Variants in UBE2E3 observed in about 807,000 individuals in gnomAD.
UBE2E3 encodes the protein ubiquitin conjugating enzyme E2 E3.
UBE2E3 carries 5 observed loss-of-function variants against 23.6 expected under a neutral mutation model. The observed-to-expected ratio is 0.21, with a 90% confidence interval of 0.11 to 0.44. UBE2E3 has a LOEUF of 0.44. Among genes scored for constraint, UBE2E3 ranks in the 20% least tolerant of loss-of-function variants. The pLI is 0.99. For synonymous variants in UBE2E3, 78 were observed against 87.5 expected, an observed-to-expected ratio of 0.89 and a Z score of 0.60; for missense variants, 81 against 249.8, an observed-to-expected ratio of 0.32 and a Z score of 4.55.
intron 4 of UBE2E3, among the ~76,000 whole-genome samples, chr2:181,059,541 A>C (rs1213881767): frequency 6.6e-6 from 1 of 151,812 alleles, no homozygotes; most frequent in Non-Finnish European, 1.5e-5. Flanking sequence ...CAACATATTA[A>C]AAATATTGTC....
intron 3 of UBE2E3, among the ~76,000 whole-genome samples, chr2:181,025,914 G>C (rs1418799028): frequency 6.6e-6 from 1 of 151,908 alleles, no homozygotes; most frequent in Non-Finnish European, 1.5e-5. Context: ...GCAGGCAATG[G>C]ATTTATGGAA....
Position 180,984,110 on chromosome 2 carries a change from G to T in UBE2E3, c.245+17G>T, listed in dbSNP as rs1254614584. 1.2e-6 allele frequency: 2 copies of T among 1,603,848 alleles called. No individual in the cohort carries two copies. The highest frequency in any genetic ancestry group is 2.2e-5 in the East Asian group (1 of 44,776). ...TAATTGCAGGTAAGAAATGAATTTT[G>T]TTGTTTTGGTTTCAAATTGTGGAAA... is the stretch of plus-strand genomic sequence containing the variant. On this transcript the variant is annotated intron_variant, in intron 3 of 5. Transcript: ENST00000410062.
chr2:181,020,939 G>T (rs182826401), intron 3 of UBE2E3, among the ~76,000 whole-genome samples: 2 of 152,202 alleles, frequency 1.3e-5, no homozygotes, highest in South Asian at 2.1e-4. Context: ...TAGGAAAGGG[G>T]AATTTTTATC....
chr2:180,994,574 G>T (rs999799707), intron 3 of UBE2E3, among the ~76,000 whole-genome samples: 3 of 152,140 alleles, frequency 2.0e-5, no homozygotes, highest in Admixed American at 6.5e-5. Context: ...TTACAAATGG[G>T]TGTTGTCCTT....
intron 3 of UBE2E3, among the ~76,000 whole-genome samples, chr2:181,050,718 C>T (rs1686816858): frequency 6.6e-6 from 1 of 151,792 alleles, no homozygotes. Flanking sequence ...AGTCACTTAA[C>T]CTTTCTGGCT....
At chr2:181,037,648 CAG>C (rs911637825) in intron 3 of UBE2E3, among the ~76,000 whole-genome samples, 1 of 152,192 alleles carries the variant, frequency 6.6e-6, no homozygotes, top group African/African-American at 2.4e-5. Context: ...ACAGAAGAAT[CAG>C]AAAGTTAAAA....
intron 3 of UBE2E3, among the ~76,000 whole-genome samples, chr2:181,056,677 T>G (rs1476010624): frequency 6.6e-6 from 1 of 151,750 alleles, no homozygotes; most frequent in East Asian, 1.9e-4. Flanking sequence ...CAACTTGAGT[T>G]TTAGCAGGGA....
chr2:181,000,669 C>G (rs1271333369), intron 3 of UBE2E3, among the ~76,000 whole-genome samples: 1 of 151,946 alleles, frequency 6.6e-6, no homozygotes, highest in African/African-American at 2.4e-5. Flanking sequence ...ATTCTCCTGC[C>G]TCAGCCTCCT....
intron 3 of UBE2E3, chr2:180,989,928 A>G (rs773123369): frequency 6.5e-7 from 1 of 1,549,528 alleles, no homozygotes; most frequent in Admixed American, 2.0e-5. Context: ...TCAGATTGAG[A>G]ATGAAGAACT....
At chr2:181,034,666 T>TA (rs1407258125) in intron 3 of UBE2E3, among the ~76,000 whole-genome samples, 3 of 147,540 alleles carry the variant, frequency 2.0e-5, no homozygotes, top group Admixed American at 1.3e-4. Flanking sequence ...CCCTAGAACT[T>TA]AAAGTATAAT....
rs184644729 is a variant in UBE2E3, at chr2:181,022,840, C to T, written c.246-34853C>T. Among the ~76,000 whole-genome samples, 5 of 152,172 alleles carry T rather than the reference C, an allele frequency of 3.3e-5. No homozygotes were observed. In the East Asian group the frequency reaches 5.8e-4, roughly 18 times the overall value. On this transcript the variant is annotated intron_variant, in intron 3 of 5. Coordinates refer to ENST00000410062, the MANE Select transcript of UBE2E3 (RefSeq NM_006357.4). The stretch of plus-strand genomic sequence containing the variant: ...GGGACTCAAATTTTTCTCCACTCTG[C>T]GCATTGTCTGTAAATGACTGCAAAA...
chr2:181,053,005 G>C (rs1024478039), intron 3 of UBE2E3, among the ~76,000 whole-genome samples: 2 of 151,794 alleles, frequency 1.3e-5, no homozygotes, highest in African/African-American at 4.8e-5. Context: ...TTCCCTCTTA[G>C]TCATTTCTTA....
At chr2:181,026,339 G>A (rs1251982512) in intron 3 of UBE2E3, among the ~76,000 whole-genome samples, 9 of 151,236 alleles carry the variant, frequency 6.0e-5, no homozygotes, top group Admixed American at 5.3e-4. Context: ...AATTTCAGAA[G>A]ATAATGAATA....
Position 181,010,807 on chromosome 2 carries a change from T to C in UBE2E3, c.245+26714T>C, listed in dbSNP as rs184686777. The stretch of plus-strand genomic sequence containing the variant: ...ATATTTACCTCCTGTTGTCATATCC[T>C]CCTCTTTTTTTTTTTTTTACATTTT... On this transcript the variant is annotated intron_variant, in intron 3 of 5. Transcript: ENST00000410062. 4.3e-4 allele frequency among the ~76,000 whole-genome samples: 65 copies of C among 151,412 alleles called. No individual in the cohort carries two copies. In the East Asian group the frequency reaches 0.012, roughly 29 times the overall value.
chr2:181,019,389 G>A (rs1231944414), intron 3 of UBE2E3, among the ~76,000 whole-genome samples: 1 of 152,118 alleles, frequency 6.6e-6, no homozygotes, highest in African/African-American at 2.4e-5. Context: ...TATTAACCTT[G>A]CATTAATCTT....
chr2:181,006,035 G>C (rs752014804), intron 3 of UBE2E3, among the ~76,000 whole-genome samples: 8 of 152,180 alleles, frequency 5.3e-5, no homozygotes, highest in Non-Finnish European at 7.3e-5. Flanking sequence ...AGGACTGGGA[G>C]GCTGTCATAG....
At chr2:180,981,263 CTTTG>C (rs1347591041) in intron 1 of UBE2E3, 21 of 151,926 alleles carry the variant, frequency 1.4e-4, no homozygotes, top group South Asian at 4.1e-4. Flanking sequence ...CTTCTTGGGG[CTTTG>C]TTTATTTGTT....
chr2:181,045,871 T>G (rs1686659448), intron 3 of UBE2E3, among the ~76,000 whole-genome samples: 1 of 151,972 alleles, frequency 6.6e-6, no homozygotes, highest in Non-Finnish European at 1.5e-5. Flanking sequence ...CTTGGATATG[T>G]TGGGACAGAA....
rs151263771 is a variant in UBE2E3 at position 180,989,049 on chromosome 2, G to C, written c.245+4956G>C. Among the ~76,000 whole-genome samples, 779 of 152,194 alleles carry C rather than the reference G, an allele frequency of 5.1e-3. 7 individuals carry two copies. The highest frequency in any genetic ancestry group is 0.017 in the African/African-American group (723 of 41,540). On this transcript the variant is annotated intron_variant, in intron 3 of 5. Transcript: ENST00000410062. ...GTGGGTGGTCATCTACAGATAGTTT[G>C]TATTATTAGTTTTATTGTTAATAAA...
Sources: allele counts gnomAD v4.1 joint callset (sites outside exome capture counted in the v4.1 genomes callset), GRCh38; gene constraint gnomAD v4.1.1; transcripts MANE v1.5; gene names NCBI Gene and HGNC (gene_info 2026-07-23, HGNC 2026-07-21).